The following ACMSD variants were observed in gnomAD, a reference collection of about 807,000 sequenced individuals.
ACMSD encodes the protein 2-amino-3-carboxymuconate-6-semialdehyde decarboxylase.
ACMSD carries 37 observed loss-of-function variants against 45.9 expected under a neutral mutation model. That is an observed-to-expected ratio of 0.81 (90% CI 0.62 to 1.06). ACMSD has a LOEUF of 1.06. Ranked by LOEUF, ACMSD falls within the 50% of genes least tolerant of loss-of-function variation. ACMSD has a pLI of 0.00. For synonymous variants in ACMSD, 138 were observed against 148.8 expected, an observed-to-expected ratio of 0.93 and a Z score of 0.53; for missense variants, 434 against 420.9, an observed-to-expected ratio of 1.03 and a Z score of -0.27.
At chr2:134,865,339 A>C (rs1490414862) in intron 5 of ACMSD, among the ~76,000 whole-genome samples, 1 of 152,224 alleles carries the variant, frequency 6.6e-6, no homozygotes, top group Non-Finnish European at 1.5e-5. Flanking sequence ...TATGCATCCA[A>C]GTTGTTTCAG....
Position 134,863,476 on chromosome 2 carries a change from T to A in ACMSD, c.331T>A (p.Phe111Ile). The A allele has an allele frequency of 6.2e-7, 1 of 1,614,174 alleles. No individual in the cohort carries two copies. The highest frequency in any genetic ancestry group is 8.5e-7 in the Non-Finnish European group (1 of 1,180,030). ...ASTVVSYPRRFVGLGTLPMQA... is the reference protein window; with the variant it reads ...ASTVVSYPRRIVGLGTLPMQA... ...CACCGTTGTGAGCTACCCCAGGAGG[T>A]TCGTGGGTCTGGGGACGTTGCCCAT... The change falls in exon 5 of 10, where the codon TTC becomes ATC. Residue 111 changes from phenylalanine (F) to isoleucine (I), a missense_variant. Coordinates refer to ENST00000356140, the MANE Select transcript of ACMSD (RefSeq NM_138326.3).
chr2:134,891,987 A>AT (rs1689810263), intron 8 of ACMSD, among the ~76,000 whole-genome samples: 1 of 152,206 alleles, frequency 6.6e-6, no homozygotes, highest in African/African-American at 2.4e-5. Flanking sequence ...ACAGAAAGTC[A>AT]AATACCACAT....
intron 8 of ACMSD, among the ~76,000 whole-genome samples, chr2:134,885,858 T>C (rs1461805459): frequency 1.3e-5 from 2 of 152,140 alleles, no homozygotes; most frequent in Non-Finnish European, 2.9e-5. Flanking sequence ...ATTGCTCAAG[T>C]ATTTTATCAG....
At chr2:134,894,963 G>A (rs1352780485) in intron 8 of ACMSD, among the ~76,000 whole-genome samples, 1 of 151,988 alleles carries the variant, frequency 6.6e-6, no homozygotes. Context: ...TGAAATTGAG[G>A]ACACAATTCC....
At chr2:134,860,913 C>T (rs1302870798) in intron 3 of ACMSD, among the ~76,000 whole-genome samples, 1 of 150,086 alleles carries the variant, frequency 6.7e-6, no homozygotes, top group Non-Finnish European at 1.5e-5. Flanking sequence ...ACCTGTGATC[C>T]CAGCTACTCA....
chr2:134,879,799 G>C (rs1005430533), intron 8 of ACMSD, among the ~76,000 whole-genome samples: 2 of 152,140 alleles, frequency 1.3e-5, no homozygotes, highest in Non-Finnish European at 2.9e-5. Context: ...TTAATTCTGT[G>C]TTCTTAAAGA....
At chr2:134,901,081 C>G (rs1043332491) in intron 9 of ACMSD, among the ~76,000 whole-genome samples, 4 of 152,160 alleles carry the variant, frequency 2.6e-5, no homozygotes, top group African/African-American at 7.2e-5. Context: ...TGTGTAAGAA[C>G]CCTGAAGTGG....
At position 134,867,673 on chromosome 2, in the gene ACMSD, G is replaced by A; in HGVS notation, c.580+1G>A. 1 of 1,613,050 alleles carries A rather than the reference G, an allele frequency of 6.2e-7. No homozygotes were observed. The highest frequency in any genetic ancestry group is 8.5e-7 in the Non-Finnish European group (1 of 1,179,368). ...AAATACTGGCTCCCTTGGCTTGTAG[G>A]TTTGTGTCTGTGTGGGGTCTGGAAC... On this transcript the variant is annotated splice_donor_variant, in intron 6 of 9. Coordinates refer to ENST00000356140, the MANE Select transcript of ACMSD (RefSeq NM_138326.3). LOFTEE classifies it high-confidence loss of function.
At chr2:134,858,549 T>C (rs1687691084) in intron 2 of ACMSD, among the ~76,000 whole-genome samples, 1 of 152,220 alleles carries the variant, frequency 6.6e-6, no homozygotes, top group Admixed American at 6.5e-5. Context: ...GTATGTGAAG[T>C]AATGGACATT....
chr2:134,862,949 G>C (rs1687915303), intron 4 of ACMSD: 2 of 985,162 alleles, frequency 2.0e-6, no homozygotes, highest in South Asian at 9.4e-5. Context: ...GGACAGGCAG[G>C]GGCAGGACAA....
Position 134,840,192 on chromosome 2 carries a change from AAC to A in ACMSD, c.57+1454_57+1455del, listed in dbSNP as rs1305545388. Among the ~76,000 whole-genome samples the A allele has an allele frequency of 5.3e-3, 643 of 121,492 alleles. 94 individuals carry two copies. The highest frequency in any genetic ancestry group is 0.012 in the African/African-American group (385 of 31,936). 79.7% of individuals were successfully genotyped at this position (121,492 alleles called of 152,430 possible). On this transcript the variant is annotated intron_variant, in intron 1 of 9. Transcript: ENST00000356140. ...CAAAAAAAAAAAAAAAAAAAAAAAA[AAC>A]CACTAATTCCTCTGTTACAGCTTTT... is the stretch of plus-strand genomic sequence containing the variant.
chr2:134,845,269 C>T lies in ACMSD; in HGVS notation c.94C>T (p.His32Tyr). ...GYGGWVQLQHHSKGEAKLLKD... is the reference protein window; with the variant it reads ...GYGGWVQLQHYSKGEAKLLKD... ...CGGAGGCTGGGTGCAGCTCCAACAC[C>T]ACAGCAAGGTGAGTTTCTTCCAAAG... Residue 32 changes from histidine (H) to tyrosine (Y), a missense_variant, in exon 2 of 10, where the codon CAC (histidine) becomes TAC (tyrosine). By Grantham distance (83) the His-to-Tyr change is moderately conservative (BLOSUM62 2). Coordinates refer to ENST00000356140, the MANE Select transcript of ACMSD (RefSeq NM_138326.3). 6.2e-7 allele frequency: 1 copy of T among 1,614,054 alleles called. No homozygotes were observed. The highest frequency in any genetic ancestry group is 8.5e-7 in the Non-Finnish European group (1 of 1,179,986).
chr2:134,843,943 A>G (rs1268410041), intron 1 of ACMSD, among the ~76,000 whole-genome samples: 1 of 152,170 alleles, frequency 6.6e-6, no homozygotes, highest in African/African-American at 2.4e-5. Flanking sequence ...AGTGCGTCTC[A>G]CACGCAATGA....
chr2:134,860,672 T>G (rs1388411053), intron 3 of ACMSD, among the ~76,000 whole-genome samples: 3 of 151,996 alleles, frequency 2.0e-5, no homozygotes, highest in African/African-American at 7.2e-5. Flanking sequence ...CTCCAGCATG[T>G]TGGAATTTGT....
At chr2:134,885,322 T>A (rs1222039522) in intron 8 of ACMSD, among the ~76,000 whole-genome samples, 2 of 111,096 alleles carry the variant, frequency 1.8e-5, no homozygotes, top group Admixed American at 1.3e-4. Flanking sequence ...TATATATAAA[T>A]ATATATGTAA....
chr2:134,881,807 G>T (rs62168867), intron 8 of ACMSD, among the ~76,000 whole-genome samples: 35,726 of 151,936 alleles, frequency 0.24, 4,450 homozygotes, highest in East Asian at 0.4. Context: ...GCCCAACATG[G>T]TGAAACCCTG....
In ACMSD at chr2:134,871,051, G is replaced by T. The variant is rs138679619; in HGVS notation, c.667G>T (p.Ala223Ser). 1.9e-6 allele frequency: 3 copies of T among 1,613,794 alleles called. No individual in the cohort carries two copies. In the South Asian group the frequency reaches 3.3e-5, roughly 18 times the overall value. ...GTTTCCCAAACTGAAAGTGTGTTTC[G>T]CACATGGTGGTAAGACCCTATCTTT... ...EKFPKLKVCFAHGGGAFPFTV... is the reference protein window; with the variant it reads ...EKFPKLKVCFSHGGGAFPFTV... The change falls in exon 7 of 10, where the codon GCA (alanine) becomes TCA (serine). Residue 223 changes from alanine (A) to serine (S), a missense_variant. Coordinates refer to ENST00000356140, the MANE Select transcript of ACMSD (RefSeq NM_138326.3).
chr2:134,874,153 ATGGACTAGT>A (rs1688612728), intron 8 of ACMSD, among the ~76,000 whole-genome samples: 1 of 152,322 alleles, frequency 6.6e-6, no homozygotes, highest in Non-Finnish European at 1.5e-5. Flanking sequence ...TAACCAGTGG[ATGGACTAGT>A]TGGTGAGCAC....
chr2:134,864,877 T>C (rs755760066), intron 5 of ACMSD, among the ~76,000 whole-genome samples: 8 of 152,212 alleles, frequency 5.3e-5, no homozygotes, highest in Non-Finnish European at 1.2e-4. Flanking sequence ...TTCTTCCTCC[T>C]CCACTTTCAA....
Sources: allele counts gnomAD v4.1 joint callset (sites outside exome capture counted in the v4.1 genomes callset), GRCh38; gene constraint gnomAD v4.1.1; transcripts MANE v1.5; gene names NCBI Gene and HGNC (gene_info 2026-07-23, HGNC 2026-07-21).